The following SOCS6 variants were observed in gnomAD, a reference collection of about 807,000 sequenced individuals.
SOCS6 encodes suppressor of cytokine signaling 6, also known as STAT induced STAT inhibitor-4.
SOCS6 carries 5 observed loss-of-function variants against 27.7 expected under a neutral mutation model. The ratio of observed to expected loss-of-function variants is 0.18; its 90% confidence interval spans 0.09 to 0.38. The LOEUF is 0.38. SOCS6 is among the 10% of genes least tolerant of loss of function. The pLI, the probability that SOCS6 is intolerant of heterozygous loss-of-function variation, is 1.00. For missense variants in SOCS6, 595 were observed against 688.1 expected (o/e 0.86, Z 1.51); for synonymous variants, 271 against 260.0 (o/e 1.04, Z -0.41).
In SOCS6 at chr18:70,325,217, G is replaced by A. The variant is rs745409584; in HGVS notation, c.549G>A (p.Thr183=). 33 of 1,613,990 alleles carry A rather than the reference G, an allele frequency of 2.0e-5. No homozygotes were observed. The highest frequency in any genetic ancestry group is 3.3e-5 in the South Asian group (3 of 91,082). Residue 183 remains threonine (T), a synonymous_variant, in exon 2 of 2, where the codon ACG becomes ACA. Coordinates refer to ENST00000397942, the MANE Select transcript of SOCS6 (RefSeq NM_004232.4). The surrounding 1 kb of genome is among the most constrained non-coding windows in gnomAD (Gnocchi z 6.3). ...TCCACGACCTCCAGTCTGAGACCAC[G>A]TGCCAGGAGCAAGCCAATTCACTGA... ...KDFHDLQSET[T]CQEQANSLKS...
At chr18:70,293,173 G>C (rs1313628441) in intron 1 of SOCS6, among the ~76,000 whole-genome samples, 1 of 151,982 alleles carries the variant, frequency 6.6e-6, no homozygotes, top group African/African-American at 2.4e-5. Context: ...AAGTAGTTGC[G>C]GTTTTCATGT....
chr18:70,327,360 G>C lies in SOCS6; in HGVS notation c.*1084G>C, dbSNP rs1911248737. The stretch of plus-strand genomic sequence containing the variant: ...TTTCTTCTATGTAGTTACTATAAAA[G>C]TGTGCTGGATTTGACCAATCCTTAC... On this transcript the variant is annotated 3_prime_UTR_variant, in exon 2 of 2. Transcript: ENST00000397942. 1 of 166,686 alleles carries C rather than the reference G, an allele frequency of 6.0e-6. No individual in the cohort carries two copies. The highest frequency in any genetic ancestry group is 6.6e-5 in the Admixed American group (1 of 15,256). The allele number at this position is 166,686 out of a possible 1,614,324, so 10.3% of individuals were successfully genotyped here.
chr18:70,320,591 G>C (rs1910948406), intron 1 of SOCS6, among the ~76,000 whole-genome samples: 1 of 152,074 alleles, frequency 6.6e-6, no homozygotes, highest in Non-Finnish European at 1.5e-5. Flanking sequence ...CATTCTCATA[G>C]CTTTTATTAC....
At chr18:70,321,892 C>T (rs116424636) in intron 1 of SOCS6, among the ~76,000 whole-genome samples, 2,382 of 152,188 alleles carry the variant, frequency 0.016, 55 homozygotes, top group African/African-American at 0.054. Flanking sequence ...TGGGCAAATT[C>T]CAGTCTCTCT....
At chr18:70,298,385 T>TA (rs2062333440) in intron 1 of SOCS6, among the ~76,000 whole-genome samples, 1 of 152,188 alleles carries the variant, frequency 6.6e-6, no homozygotes, top group South Asian at 2.1e-4. Context: ...AAATGTTAAA[T>TA]AATTGTTTTT....
At chr18:70,297,192 G>A (rs1375953712) in intron 1 of SOCS6, among the ~76,000 whole-genome samples, 7 of 151,908 alleles carry the variant, frequency 4.6e-5, no homozygotes, top group Admixed American at 6.6e-5. Flanking sequence ...GTTTTTCGTC[G>A]TCTTCCTTTC....
chr18:70,319,413 C>A (rs534216782), intron 1 of SOCS6, among the ~76,000 whole-genome samples: 1 of 152,188 alleles, frequency 6.6e-6, no homozygotes, highest in South Asian at 2.1e-4. Context: ...ATAATTTAAG[C>A]CTGTGGCTCT....
intron 1 of SOCS6, among the ~76,000 whole-genome samples, chr18:70,302,256 G>A (rs2062351363): frequency 6.6e-6 from 1 of 151,772 alleles, no homozygotes; most frequent in Non-Finnish European, 1.5e-5. Flanking sequence ...AAGGTCTTCT[G>A]ATGTCGTTCC....
rs963444566 is a variant in SOCS6, at chr18:70,329,766, T to C, written c.*3490T>C. The C allele has an allele frequency of 1.8e-5, 3 of 167,212 alleles. No individual in the cohort carries two copies. Among genetic ancestry groups the C allele is most frequent in the African/African-American group, 7.2e-5 (3 of 41,586 alleles). 10.4% of individuals were successfully genotyped at this position (167,212 alleles called of 1,614,324 possible). A position where few individuals can be genotyped will look rare whatever the true frequency, so the allele number is the denominator to read the frequency against. ...ATGGTTTCTTTTAATACTTTTTTAA[T>C]CCTGTAAAGAAGGGTTTTTATAAAC... On this transcript the variant is annotated 3_prime_UTR_variant, in exon 2 of 2. Coordinates refer to ENST00000397942, the MANE Select transcript of SOCS6 (RefSeq NM_004232.4).
rs148069094 is a variant in SOCS6, at chr18:70,309,842, C to T, written c.-126-14701C>T. On this transcript the variant is annotated intron_variant, in intron 1 of 1. Transcript: ENST00000397942. ...GGGATTACAGGCATGTGCCACCTCA[C>T]GCAGCTAATTGTTTTGTGTTTTTAG... Among the ~76,000 whole-genome samples, 398 of 152,284 alleles carry T rather than the reference C, an allele frequency of 2.6e-3. 3 individuals are homozygous for T. Among genetic ancestry groups the T allele is most frequent in the African/African-American group, 9.3e-3 (386 of 41,548 alleles).
intron 1 of SOCS6, among the ~76,000 whole-genome samples, chr18:70,310,311 C>G (rs1164307760): frequency 1.3e-5 from 2 of 149,426 alleles, no homozygotes; most frequent in Admixed American, 6.7e-5. Flanking sequence ...GGGTCTCACT[C>G]TGTTGCCCAG....
rs373670452 is a variant in SOCS6, at chr18:70,325,674, G to A, written c.1006G>A (p.Val336Met). The change falls in exon 2 of 2, where the codon GTG becomes ATG. Residue 336 changes from valine (V) to methionine (M), a missense_variant. This residue lies in a region of SOCS6 where 467 missense variants were observed against 481.1 expected (regional missense o/e 0.97). Coordinates refer to ENST00000397942, the MANE Select transcript of SOCS6 (RefSeq NM_004232.4). The surrounding 1 kb of genome is among the most constrained non-coding windows in gnomAD (Gnocchi z 6.3). ...FSGLTGTEAH[V>M]AESMRCHLNF... ...TGGACTCACTGGCACAGAAGCCCAC[G>A]TGGCTGAAAGTATGCGCTGTCATTT... 18 of 1,614,068 alleles carry A rather than the reference G, an allele frequency of 1.1e-5. No individual in the cohort carries two copies. In the African/African-American group the frequency reaches 2.0e-4, roughly 18 times the overall value.
At chr18:70,302,431 G>A (rs186762034) in intron 1 of SOCS6, among the ~76,000 whole-genome samples, 1 of 152,134 alleles carries the variant, frequency 6.6e-6, no homozygotes, top group African/African-American at 2.4e-5. Flanking sequence ...TTGATTTCCA[G>A]ACAGCATTAA....
intron 1 of SOCS6, among the ~76,000 whole-genome samples, chr18:70,310,050 T>C (rs926588195): frequency 6.6e-6 from 1 of 152,226 alleles, no homozygotes; most frequent in African/African-American, 2.4e-5. Context: ...CTGTTAACAG[T>C]TATTAACTTA....
chr18:70,316,902 A>G (rs563788946), intron 1 of SOCS6, among the ~76,000 whole-genome samples: 2 of 152,244 alleles, frequency 1.3e-5, no homozygotes, highest in East Asian at 3.9e-4. Flanking sequence ...TAAATGATAC[A>G]CTCTATATCC....
chr18:70,294,592 A>C (rs1165624220), intron 1 of SOCS6, among the ~76,000 whole-genome samples: 1 of 152,254 alleles, frequency 6.6e-6, no homozygotes, highest in African/African-American at 2.4e-5. Context: ...GTTTTTGTTA[A>C]GGAAGCCTAA....
In SOCS6 at chr18:70,324,997, C is replaced by G; in HGVS notation, c.329C>G (p.Pro110Arg). ...DEDTFSSSSAPIVFKDVRAQR... is the reference protein window; with the variant it reads ...DEDTFSSSSARIVFKDVRAQR... Reference sequence around the variant, plus strand: ...GACACCTTCTCCTCCTCCTCAGCACCCATAGTCTTTAAAGACGTGAGAGCT... The same window carrying G: ...GACACCTTCTCCTCCTCCTCAGCACGCATAGTCTTTAAAGACGTGAGAGCT... The change falls in exon 2 of 2, where the codon CCC becomes CGC. Residue 110 changes from proline to arginine, a missense_variant. By Grantham distance (103) the Pro-to-Arg change is moderately radical. Transcript: ENST00000397942. The G allele has an allele frequency of 6.2e-7, 1 of 1,613,972 alleles. No homozygotes were observed. The highest frequency in any genetic ancestry group is 8.5e-7 in the Non-Finnish European group (1 of 1,179,954).
chr18:70,296,499 A>G (rs866618647), intron 1 of SOCS6: 2 of 152,328 alleles, frequency 1.3e-5, no homozygotes, highest in African/African-American at 4.8e-5. Flanking sequence ...ACCATAGGCC[A>G]GAACCAGGCC....
intron 1 of SOCS6, among the ~76,000 whole-genome samples, chr18:70,297,556 A>T (rs556822920): frequency 6.6e-6 from 1 of 152,348 alleles, no homozygotes; most frequent in South Asian, 2.1e-4. Context: ...GGGTGGTAAC[A>T]TAATTATTTT....
Sources: gnomAD v4.1 joint callset for allele counts (sites outside exome capture counted in the v4.1 genomes callset) on GRCh38, gnomAD v4.1.1 for gene constraint, gnomAD v4.1.1 regional missense constraint, Gnocchi (gnomAD v3.1) non-coding constraint, MANE v1.5 for transcripts, NCBI Gene and HGNC (gene_info 2026-07-23, HGNC 2026-07-21) for gene names.